The following PAPPA2 variants were observed in gnomAD, a reference collection of about 807,000 sequenced individuals.
The protein encoded by PAPPA2 is pappalysin-2.
In PAPPA2, 86 loss-of-function variants were observed where a neutral mutation model predicts 176.4. That is an observed-to-expected ratio of 0.49 (90% CI 0.41 to 0.58). The LOEUF is 0.58. Ranked by LOEUF, PAPPA2 falls within the 20% of genes least tolerant of loss-of-function variation. PAPPA2 has a pLI of 0.00. For synonymous variants in PAPPA2, 809 were observed against 852.2 expected (o/e 0.95, Z 0.88); for missense variants, 2,073 against 2,256.9 (o/e 0.92, Z 1.65).
intron 1 of PAPPA2, among the ~76,000 whole-genome samples, chr1:176,545,737 T>C (rs1169565641): frequency 7.2e-5 from 11 of 152,204 alleles, no homozygotes; most frequent in Non-Finnish European, 1.5e-4. Flanking sequence ...TACTTCTTAT[T>C]ATAAACCACA....
intron 1 of PAPPA2, among the ~76,000 whole-genome samples, chr1:176,503,930 A>G (rs1161319376): frequency 6.6e-6 from 1 of 152,192 alleles, no homozygotes; most frequent in Non-Finnish European, 1.5e-5. Context: ...TCATGAAATA[A>G]ACATCTCTAC....
At chr1:176,519,347 G>A (rs1056376411) in intron 1 of PAPPA2, among the ~76,000 whole-genome samples, 6 of 152,168 alleles carry the variant, frequency 3.9e-5, no homozygotes, top group Non-Finnish European at 1.5e-5. Flanking sequence ...GACTCCTGGA[G>A]ACTACAGAGT....
At chr1:176,710,871 A>G (rs1347469154) in intron 11 of PAPPA2, among the ~76,000 whole-genome samples, 2 of 152,148 alleles carry the variant, frequency 1.3e-5, no homozygotes, top group Admixed American at 6.5e-5. Flanking sequence ...CAAGGATTTC[A>G]TCAAGGACCC....
At chr1:176,790,273 A>G (rs992571476) in intron 18 of PAPPA2, among the ~76,000 whole-genome samples, 3 of 152,184 alleles carry the variant, frequency 2.0e-5, no homozygotes, top group Admixed American at 6.5e-5. Flanking sequence ...CCTCTCATGG[A>G]TGGCCACTGA....
intron 21 of PAPPA2, among the ~76,000 whole-genome samples, chr1:176,802,886 A>G (rs1665743097): frequency 6.6e-6 from 1 of 152,164 alleles, no homozygotes; most frequent in Admixed American, 6.5e-5. Context: ...AGGTGCCACT[A>G]AGACTTTCTT....
At chr1:176,605,704 C>T (rs755237851) in intron 3 of PAPPA2, among the ~76,000 whole-genome samples, 8 of 152,236 alleles carry the variant, frequency 5.3e-5, no homozygotes, top group Non-Finnish European at 7.4e-5. Context: ...CATGTTAGTT[C>T]GGAAGTCATA....
intron 3 of PAPPA2, among the ~76,000 whole-genome samples, chr1:176,636,616 C>G (rs1656714594): frequency 6.6e-6 from 1 of 151,982 alleles, no homozygotes; most frequent in African/African-American, 2.4e-5. Context: ...GTAGATTGCT[C>G]CCTCACAAAT....
intron 7 of PAPPA2, among the ~76,000 whole-genome samples, chr1:176,697,330 G>T (rs538429212): frequency 1.3e-5 from 2 of 152,030 alleles, no homozygotes; most frequent in African/African-American, 4.8e-5. Context: ...AGTATTGGGG[G>T]CTTAATAATA....
At chr1:176,692,460 C>T (rs1660163272) in intron 6 of PAPPA2, 142 bp downstream of exon 6, 3 of 832,786 alleles carry the variant, frequency 3.6e-6, no homozygotes, top group Admixed American at 2.8e-5. Flanking sequence ...CTGCTCCAGC[C>T]TGCTCTGTTC....
intron 20 of PAPPA2, among the ~76,000 whole-genome samples, chr1:176,796,575 C>T (rs1027210105): frequency 6.6e-6 from 1 of 152,000 alleles, no homozygotes; most frequent in African/African-American, 2.4e-5. Flanking sequence ...TCCTAGTAAC[C>T]TTTACTGTTT....
chr1:176,616,873 G>A (rs890111444), intron 3 of PAPPA2: 8 of 466,034 alleles, frequency 1.7e-5, no homozygotes, highest in South Asian at 2.1e-5. Flanking sequence ...AACTGAAGTC[G>A]ACTTCAATAT....
rs543523277 is a variant in PAPPA2 at position 176,610,294 on chromosome 1, C to T, written c.1991+14699C>T. ...CTATGTCTCCTAGTTGTGGTCAGTA[C>T]GAGTAGGTACTCAGAATTGCCTGCT... is the stretch of plus-strand genomic sequence containing the variant. On this transcript the variant is annotated intron_variant, in intron 3 of 22. Transcript: ENST00000367662. Among the ~76,000 whole-genome samples the T allele has an allele frequency of 5.3e-5, 8 of 149,678 alleles. No individual in the cohort carries two copies. The East Asian group carries it at 1.2e-3, about 22-fold the overall frequency.
intron 9 of PAPPA2, among the ~76,000 whole-genome samples, chr1:176,705,797 A>G (rs1211928678): frequency 6.6e-6 from 1 of 152,166 alleles, no homozygotes; most frequent in Admixed American, 6.6e-5. Context: ...AAAGACAGGG[A>G]CCTGAGCCCT....
intron 20 of PAPPA2, among the ~76,000 whole-genome samples, chr1:176,799,712 T>C (rs376348077): frequency 1.2e-4 from 18 of 152,344 alleles, no homozygotes; most frequent in East Asian, 5.8e-4. Context: ...AATTTCAAAA[T>C]AAGTGGAACT....
chr1:176,809,697 G>T (rs954309468), intron 21 of PAPPA2, among the ~76,000 whole-genome samples: 10 of 152,274 alleles, frequency 6.6e-5, no homozygotes, highest in African/African-American at 1.9e-4. Flanking sequence ...TTTTAGCCAA[G>T]AAGAGGTAGA....
chr1:176,740,335 G>A lies in PAPPA2; in HGVS notation c.4151+139G>A, dbSNP rs1662620316. 3.3e-6 allele frequency: 3 copies of A among 896,148 alleles called. No homozygotes were observed. In the East Asian group the frequency reaches 8.0e-5, roughly 24 times the overall value. The allele number at this position is 896,148 out of a possible 1,614,324, so 55.5% of individuals were successfully genotyped here. The stretch of plus-strand genomic sequence containing the variant: ...ATTTAGGAACTACTAAAAAGACATA[G>A]GAAGCAAGCAAAGAATAATTTGTGG... On this transcript the variant is annotated intron_variant, in intron 14 of 22. Coordinates refer to ENST00000367662, the MANE Select transcript of PAPPA2 (RefSeq NM_020318.3).
At chr1:176,487,725 G>C (rs1652709297) in intron 1 of PAPPA2, among the ~76,000 whole-genome samples, 1 of 152,158 alleles carries the variant, frequency 6.6e-6, no homozygotes, top group Admixed American at 6.5e-5. Context: ...TGAGGCCAAA[G>C]ACAAATAAAA....
At chr1:176,807,091 A>C (rs1044224511) in intron 21 of PAPPA2, among the ~76,000 whole-genome samples, 1 of 152,214 alleles carries the variant, frequency 6.6e-6, no homozygotes, top group African/African-American at 2.4e-5. Context: ...TCAGGACATG[A>C]TAAAGGATGC....
At chr1:176,559,922 A>G (rs1346899792) in intron 2 of PAPPA2, among the ~76,000 whole-genome samples, 1 of 152,238 alleles carries the variant, frequency 6.6e-6, no homozygotes, top group African/African-American at 2.4e-5. Flanking sequence ...CAATGCAGCC[A>G]TAGCAATTTA....
Sources: gnomAD v4.1 joint callset for allele counts (sites outside exome capture counted in the v4.1 genomes callset) on GRCh38, gnomAD v4.1.1 for gene constraint, MANE v1.5 for transcripts, NCBI Gene and HGNC (gene_info 2026-07-23, HGNC 2026-07-21) for gene names.